The following BEST3 variants were observed in gnomAD, a reference collection of about 807,000 sequenced individuals.
BEST3 encodes the protein bestrophin-3.
In BEST3, 50 loss-of-function variants were observed where a neutral mutation model predicts 47.1. The ratio of observed to expected loss-of-function variants is 1.06; its 90% confidence interval spans 0.85 to 1.34. The LOEUF is 1.34. Among genes scored for constraint, BEST3 ranks in the 40% most tolerant of loss-of-function variants. The pLI is 0.00. For missense variants in BEST3, 765 were observed against 817.0 expected (o/e 0.94, Z 0.78); for synonymous variants, 282 against 298.8 (o/e 0.94, Z 0.58).
chr12:69,670,516 A>G, intron 9 of BEST3: 1 of 702,952 alleles, frequency 1.4e-6, no homozygotes, highest in Non-Finnish European at 2.6e-6. Context: ...GAAGTGCCAC[A>G]AACCATCACT....
intron 7 of BEST3, among the ~76,000 whole-genome samples, chr12:69,673,179 A>G (rs1326639298): frequency 3.3e-5 from 5 of 152,342 alleles, no homozygotes; most frequent in Non-Finnish European, 2.9e-5. Context: ...TGCTCTCCAA[A>G]TGGATCTGTC....
At chr12:69,647,513 T>C (rs1565816264) in intron 9 of BEST3, among the ~76,000 whole-genome samples, 1 of 152,202 alleles carries the variant, frequency 6.6e-6, no homozygotes, top group South Asian at 2.1e-4. Flanking sequence ...CTCTTTCAGA[T>C]GCTGTTTGTT....
chr12:69,688,617 G>A (rs1348112810), intron 4 of BEST3, among the ~76,000 whole-genome samples: 1 of 152,192 alleles, frequency 6.6e-6, no homozygotes, highest in Non-Finnish European at 1.5e-5. Flanking sequence ...AGTTCAACCA[G>A]CGCCAGCCAA....
chr12:69,660,431 C>G (rs1429041404), intron 9 of BEST3: 4 of 152,044 alleles, frequency 2.6e-5, no homozygotes, highest in Non-Finnish European at 5.9e-5. Flanking sequence ...GATGACTTAG[C>G]CATTTAATGA....
intron 9 of BEST3, among the ~76,000 whole-genome samples, chr12:69,666,253 A>C (rs1884209011): frequency 6.6e-6 from 1 of 152,184 alleles, no homozygotes; most frequent in Non-Finnish European, 1.5e-5. Context: ...TCTGGCCTCA[A>C]GTGATCTGCC....
At chr12:69,658,114 A>G (rs1165578749) in intron 9 of BEST3, among the ~76,000 whole-genome samples, 4 of 152,208 alleles carry the variant, frequency 2.6e-5, no homozygotes, top group Admixed American at 6.5e-5. Flanking sequence ...CTGGGAATCA[A>G]GGACAAGCTG....
At chr12:69,693,195 T>C (rs919469970) in intron 4 of BEST3, among the ~76,000 whole-genome samples, 3 of 152,070 alleles carry the variant, frequency 2.0e-5, no homozygotes, top group Non-Finnish European at 4.4e-5. Context: ...TAGTAGGTAA[T>C]CAATAAATGT....
At chr12:69,669,374 A>C (rs1287187305) in intron 9 of BEST3, among the ~76,000 whole-genome samples, 2 of 151,704 alleles carry the variant, frequency 1.3e-5, no homozygotes, top group African/African-American at 2.4e-5. Context: ...CTCTCACAAA[A>C]CCCTCTCCCA....
At chr12:69,675,200 C>G (rs764940463) in intron 7 of BEST3, among the ~76,000 whole-genome samples, 1 of 152,062 alleles carries the variant, frequency 6.6e-6, no homozygotes, top group Admixed American at 6.6e-5. Context: ...GCTCACTGCA[C>G]CCTCGGCCTC....
At chr12:69,664,637 A>C (rs1674172654) in intron 9 of BEST3, among the ~76,000 whole-genome samples, 1 of 150,740 alleles carries the variant, frequency 6.6e-6, no homozygotes, top group Non-Finnish European at 1.5e-5. Context: ...GCCTTCTGGA[A>C]ATACATACAA....
intron 9 of BEST3, among the ~76,000 whole-genome samples, chr12:69,656,992 C>T (rs753141729): frequency 2.6e-5 from 4 of 152,124 alleles, no homozygotes; most frequent in Admixed American, 1.3e-4. Context: ...ACTTGCATCG[C>T]GATTGGGCTC....
Position 69,677,248 on chromosome 12 carries a change from G to C in BEST3, c.646C>G (p.Arg216Gly), listed in dbSNP as rs745517606. 1.4e-5 allele frequency: 22 copies of C among 1,611,374 alleles called. No individual in the cohort carries two copies. The highest frequency in any genetic ancestry group is 1.7e-5 in the Non-Finnish European group (20 of 1,178,640). Reference protein sequence around the residue: ...DLQSLMTEMNRYRSWCSLLFG... With the variant: ...DLQSLMTEMNGYRSWCSLLFG... ...AAGAGGCTGCACCAAGAGCGGTATC[G>C]ATTCATTTCCTAAGCCAGAAACAGA... The change falls in exon 6 of 10, where the codon CGA becomes GGA. Residue 216 changes from arginine (R) to glycine (G), a missense_variant. Physicochemically the swap from Arg to Gly is moderately radical, Grantham distance 125. Coordinates refer to ENST00000330891, the MANE Select transcript of BEST3 (RefSeq NM_032735.3).
chr12:69,689,501 T>C (rs1177385383), intron 4 of BEST3, among the ~76,000 whole-genome samples: 1 of 152,198 alleles, frequency 6.6e-6, no homozygotes, highest in African/African-American at 2.4e-5. Flanking sequence ...GAGAAGAAAG[T>C]AGTTATCTTC....
intron 5 of BEST3, among the ~76,000 whole-genome samples, chr12:69,678,106 C>G (rs1188842516): frequency 1.3e-5 from 2 of 152,004 alleles, no homozygotes; most frequent in Admixed American, 1.3e-4. Context: ...ATCGATTGCA[C>G]AAAGTTATTA....
chr12:69,664,934 G>A (rs1444986439), intron 9 of BEST3, among the ~76,000 whole-genome samples: 2 of 152,170 alleles, frequency 1.3e-5, no homozygotes, highest in Admixed American at 1.3e-4. Context: ...GATTTGCCCA[G>A]AAGAGGCAAA....
At chr12:69,663,888 C>T (rs187396259) in intron 9 of BEST3, among the ~76,000 whole-genome samples, 31 of 152,142 alleles carry the variant, frequency 2.0e-4, no homozygotes, top group Admixed American at 7.9e-4. Context: ...GAAAGGATTC[C>T]GCAGTATTAC....
chr12:69,657,965 G>A (rs1397796510), intron 9 of BEST3, among the ~76,000 whole-genome samples: 1 of 152,126 alleles, frequency 6.6e-6, no homozygotes, highest in African/African-American at 2.4e-5. Flanking sequence ...TGCTTCAGTG[G>A]CCTTGGTGAC....
intron 1 of BEST3, among the ~76,000 whole-genome samples, chr12:69,698,921 A>G (rs985669391): frequency 6.6e-6 from 1 of 152,238 alleles, no homozygotes; most frequent in Non-Finnish European, 1.5e-5. Context: ...TGGCATTACA[A>G]AAGGATGGGA....
intron 7 of BEST3, among the ~76,000 whole-genome samples, chr12:69,676,522 A>T (rs935333194): frequency 5.9e-5 from 9 of 152,328 alleles, no homozygotes; most frequent in Admixed American, 5.9e-4. Context: ...CCAAGATTCT[A>T]CTACAATATT....
Sources: allele counts gnomAD v4.1 joint callset (sites outside exome capture counted in the v4.1 genomes callset), GRCh38; gene constraint gnomAD v4.1.1; transcripts MANE v1.5; gene names NCBI Gene and HGNC (gene_info 2026-07-23, HGNC 2026-07-21).